PLA2G4E: variants seen among roughly 807,000 people sequenced by gnomAD.
PLA2G4E encodes phospholipase A2 group IVE, also known as cytosolic phospholipase A2 epsilon.
Under a neutral mutation model 109.1 loss-of-function variants are expected in PLA2G4E, and 84 were observed. The ratio of observed to expected loss-of-function variants is 0.77; its 90% CI spans 0.65 to 0.92. The LOEUF is 0.92. PLA2G4E is among the 40% of genes least tolerant of loss of function. The pLI is 0.00. For missense variants in PLA2G4E, 1,057 were observed against 1,076.6 expected, an observed-to-expected ratio of 0.98 and a Z score of 0.25; for synonymous variants, 469 against 436.1, an observed-to-expected ratio of 1.08 and a Z score of -0.94.
At chr15:42,008,168 C>G (rs1310708830) in intron 2 of PLA2G4E, among the ~76,000 whole-genome samples, 1 of 152,236 alleles carries the variant, frequency 6.6e-6, no homozygotes. Flanking sequence ...AAGGTATGGT[C>G]ACACAGTTTT....
intron 1 of PLA2G4E, among the ~76,000 whole-genome samples, chr15:42,037,960 C>A (rs930546671): frequency 6.6e-5 from 10 of 152,196 alleles, no homozygotes; most frequent in Non-Finnish European, 8.8e-5. Context: ...GTGCAGCCTG[C>A]CAGGCTGAGT....
chr15:41,989,378 C>T, intron 15 of PLA2G4E, 37 bp downstream of exon 15: 2 of 1,612,110 alleles, frequency 1.2e-6, no homozygotes, highest in Non-Finnish European at 1.7e-6. Context: ...CACTGGGCAG[C>T]AGCCCCCTGT....
At chr15:41,992,387 C>G (rs1453677888) in intron 13 of PLA2G4E, among the ~76,000 whole-genome samples, 1 of 152,186 alleles carries the variant, frequency 6.6e-6, no homozygotes, top group African/African-American at 2.4e-5. Flanking sequence ...TCTCCCCACC[C>G]CTAGGGTCAG....
At chr15:41,988,292 C>A in intron 15 of PLA2G4E, 136 bp from the exon 16 acceptor site, 1 of 622,990 alleles carries the variant, frequency 1.6e-6, no homozygotes, top group Non-Finnish European at 2.8e-6. Context: ...CTTCAGACTT[C>A]CATGTCCTTC....
At chr15:42,003,877 T>TCC (rs753652062) in intron 5 of PLA2G4E, among the ~76,000 whole-genome samples, 21,191 of 150,848 alleles carry the variant, frequency 0.14, 1,980 homozygotes, top group Middle Eastern at 0.21. Flanking sequence ...CTTTCTTTCT[T>TCC]TCTTCCTTTC....
At chr15:42,021,847 T>C (rs2068651623) in intron 1 of PLA2G4E, among the ~76,000 whole-genome samples, 1 of 152,204 alleles carries the variant, frequency 6.6e-6, no homozygotes, top group African/African-American at 2.4e-5. Flanking sequence ...TTCTGGACCA[T>C]AGATAGAAGT....
chr15:42,002,722 G>A (rs1470883631), intron 5 of PLA2G4E, 26 bp from the exon 6 acceptor site: 1 of 1,555,604 alleles, frequency 6.4e-7, no homozygotes, highest in Non-Finnish European at 8.7e-7. Context: ...AGAACTCCTG[G>A]TCAATTCTAG....
rs185810906 is a variant in PLA2G4E, at chr15:42,008,490, C to T, written c.257-625G>A. Among the ~76,000 whole-genome samples the T allele has an allele frequency of 1.8e-4, 28 of 152,300 alleles. No individual in the cohort carries two copies. In the East Asian group the frequency reaches 5.4e-3, roughly 29 times the overall value. On this transcript the variant is annotated intron_variant, in intron 2 of 19. Coordinates refer to ENST00000399518, the Ensembl canonical transcript of PLA2G4E. ...CTGATCTGCAGCATCAGGTTATGGC[C>T]CAAGAAACCCTCCCCTCTGTGGCCA...
chr15:42,021,498 G>A (rs971059318), intron 1 of PLA2G4E, among the ~76,000 whole-genome samples: 3 of 151,694 alleles, frequency 2.0e-5, no homozygotes, highest in Non-Finnish European at 4.4e-5. Flanking sequence ...GACCTTCATG[G>A]GGTCCCTGGC....
chr15:42,050,306 G>A (rs754518114), intron 1 of PLA2G4E, among the ~76,000 whole-genome samples: 21 of 152,186 alleles, frequency 1.4e-4, no homozygotes, highest in African/African-American at 5.1e-4. Flanking sequence ...CTTGATAAAA[G>A]GTCACCACTG....
chr15:41,999,892 G>A lies in PLA2G4E; in HGVS notation c.936+25C>T, dbSNP rs755497848. 1.9e-6 allele frequency: 3 copies of A among 1,584,708 alleles called. No homozygotes were observed. In the East Asian group the frequency reaches 6.8e-5, roughly 36 times the overall value. ...GAGCTCCAGGGGAAGTAAGTCAGGG[G>A]CCCTTCCCAGACTCAGGCACTCACC... On this transcript the variant is annotated intron_variant, in intron 9 of 19. Coordinates refer to ENST00000399518, the Ensembl canonical transcript of PLA2G4E.
intron 1 of PLA2G4E, among the ~76,000 whole-genome samples, chr15:42,016,293 T>G (rs1421679492): frequency 6.8e-6 from 1 of 146,702 alleles, no homozygotes; most frequent in Non-Finnish European, 1.5e-5. Context: ...TTGCCTTGGC[T>G]AGGGAATCTT....
chr15:42,010,133 C>CCT, intron 2 of PLA2G4E: 3 of 435,494 alleles, frequency 6.9e-6, no homozygotes, highest in South Asian at 3.9e-5. Context: ...AGAACACTGG[C>CCT]CCCCCCACCC....
At chr15:42,029,806 G>C (rs954586016) in intron 1 of PLA2G4E, among the ~76,000 whole-genome samples, 2 of 152,154 alleles carry the variant, frequency 1.3e-5, no homozygotes, top group Admixed American at 1.3e-4. Context: ...AGCACATGAC[G>C]GGCACGTGGC....
exon 17 of PLA2G4E, chr15:41,987,178 A>C (rs1339873887): frequency 6.2e-7 from 1 of 1,613,462 alleles, no homozygotes; most frequent in South Asian, 1.1e-5. Flanking sequence ...TTACCTTTCC[A>C]CCTAGAGAAC....
intron 11 of PLA2G4E, among the ~76,000 whole-genome samples, chr15:41,995,918 A>G (rs1470819333): frequency 2.0e-5 from 3 of 152,194 alleles, no homozygotes; most frequent in African/African-American, 7.2e-5. Context: ...GAGGGAAGGC[A>G]CCAGGCCTGG....
intron 1 of PLA2G4E, among the ~76,000 whole-genome samples, chr15:42,023,920 T>C (rs2068670673): frequency 6.6e-6 from 1 of 152,176 alleles, no homozygotes; most frequent in Non-Finnish European, 1.5e-5. Context: ...TCCTCTGTGG[T>C]GCCTCTGTCC....
At chr15:42,031,022 C>G (rs1364168623) in intron 1 of PLA2G4E, among the ~76,000 whole-genome samples, 1 of 152,158 alleles carries the variant, frequency 6.6e-6, no homozygotes, top group Non-Finnish European at 1.5e-5. Flanking sequence ...GGCTGGAGTA[C>G]AGTGGCACAA....
chr15:42,013,327 TCC>T (rs1390276479), intron 2 of PLA2G4E, among the ~76,000 whole-genome samples: 1 of 152,084 alleles, frequency 6.6e-6, no homozygotes, highest in Admixed American at 6.5e-5. Flanking sequence ...CAAGGAGTGC[TCC>T]GTGTGGGCAA....
Sources: allele counts gnomAD v4.1 joint callset (sites outside exome capture counted in the v4.1 genomes callset), GRCh38; gene constraint gnomAD v4.1.1; transcripts MANE v1.5; gene names NCBI Gene and HGNC (gene_info 2026-07-23, HGNC 2026-07-21).